SLC7A9: variants seen among roughly 807,000 people sequenced by gnomAD.
SLC7A9 encodes solute carrier family 7 member 9.
In SLC7A9, 38 loss-of-function variants were observed where a neutral mutation model predicts 54.1. The ratio of observed to expected loss-of-function variants is 0.70; its 90% CI spans 0.54 to 0.92. The LOEUF is 0.92. Among genes scored for constraint, SLC7A9 ranks in the 40% least tolerant of loss-of-function variants. The pLI is 0.00. For synonymous variants in SLC7A9, 264 were observed against 258.9 expected, an observed-to-expected ratio of 1.02 and a Z score of -0.19; for missense variants, 537 against 636.1, an observed-to-expected ratio of 0.84 and a Z score of 1.68.
intron 11 of SLC7A9, 94 bp from the exon 12 acceptor site, chr19:32,833,417 G>A (rs1027775785): frequency 3.9e-6 from 4 of 1,025,376 alleles, no homozygotes; most frequent in East Asian, 5.1e-5. Flanking sequence ...TGAACTCCAT[G>A]TACCCCCTCC....
intron 12 of SLC7A9, among the ~76,000 whole-genome samples, chr19:32,831,510 C>T (rs912113682): frequency 2.6e-5 from 4 of 152,208 alleles, no homozygotes; most frequent in Non-Finnish European, 4.4e-5. Context: ...ACGATGGTCT[C>T]GATCTCCTGA....
At chr19:32,867,331 G>A (rs955741140) in intron 2 of SLC7A9, among the ~76,000 whole-genome samples, 4 of 152,044 alleles carry the variant, frequency 2.6e-5, no homozygotes, top group Admixed American at 6.6e-5. Flanking sequence ...GCAAGATACT[G>A]ACTCTACAGA....
At chr19:32,844,095 G>C (rs1968210039) in intron 9 of SLC7A9, 144 bp from the exon 10 acceptor site, 1 of 701,370 alleles carries the variant, frequency 1.4e-6, no homozygotes, top group Admixed American at 2.0e-5. Context: ...CTTCAGATGG[G>C]GGTCTGTCTT....
chr19:32,852,905 C>CTTTTT (rs56119122), intron 9 of SLC7A9, among the ~76,000 whole-genome samples: 1 of 97,592 alleles, frequency 1.0e-5, no homozygotes, highest in Non-Finnish European at 1.9e-5. Context: ...AAGCTATAAA[C>CTTTTT]TTTTTTTTTT....
intron 4 of SLC7A9, among the ~76,000 whole-genome samples, 166 bp downstream of exon 4, chr19:32,863,930 G>A (rs1205248598): frequency 6.6e-6 from 1 of 152,178 alleles, no homozygotes; most frequent in Non-Finnish European, 1.5e-5. Context: ...GCCCCCACGG[G>A]CCTGGGGGTC....
intron 7 of SLC7A9, 75 bp downstream of exon 7, chr19:32,860,531 A>G: frequency 1.2e-6 from 2 of 1,612,536 alleles, no homozygotes; most frequent in South Asian, 2.2e-5. Flanking sequence ...ACCCAGGGAA[A>G]TAGCTCCAGC....
At position 32,833,312 on chromosome 19, in the gene SLC7A9, G is replaced by A; in HGVS notation, c.1236C>T (p.Val412=). 1.9e-6 allele frequency: 3 copies of A among 1,614,156 alleles called. No homozygotes were observed. The highest frequency in any genetic ancestry group is 2.2e-5 in the South Asian group (2 of 91,080). The stretch of plus-strand genomic sequence containing the variant: ...AGATGAGTGTCATCAAGACGGGAAT[G>A]ACTACGGGCACCTGGAGACGAAAAA... ...ELERPIKVPV[V]IPVLMTLISV... Residue 412 remains valine (V), a synonymous_variant, in exon 12 of 13, where the codon GTC becomes GTT. Transcript: ENST00000023064.
chr19:32,832,136 G>A (rs7258013), intron 12 of SLC7A9, among the ~76,000 whole-genome samples: 91,351 of 151,578 alleles, frequency 0.6, 28,629 homozygotes, highest in East Asian at 0.82. Context: ...CAACAACAAG[G>A]AAATTAGCCG....
At chr19:32,866,510 G>T (rs1271585462) in intron 2 of SLC7A9, among the ~76,000 whole-genome samples, 1 of 152,046 alleles carries the variant, frequency 6.6e-6, no homozygotes, top group East Asian at 1.9e-4. Context: ...CTGCAGCCTC[G>T]ATCTCCTGGG....
intron 2 of SLC7A9, among the ~76,000 whole-genome samples, chr19:32,865,809 A>T (rs1016444558): frequency 6.6e-6 from 1 of 152,026 alleles, no homozygotes; most frequent in Non-Finnish European, 1.5e-5. Context: ...CGTTTCTACT[A>T]AAAAATACAA....
intron 9 of SLC7A9, among the ~76,000 whole-genome samples, chr19:32,855,466 A>G (rs143698068): frequency 0.024 from 3,685 of 152,130 alleles, 91 homozygotes; most frequent in African/African-American, 0.055. Context: ...TTGGGAGGCC[A>G]AGGCGGGCGG....
intron 11 of SLC7A9, among the ~76,000 whole-genome samples, chr19:32,836,901 C>T (rs1373840127): frequency 2.0e-5 from 3 of 152,232 alleles, no homozygotes; most frequent in South Asian, 4.2e-4. Context: ...AAGATCACAG[C>T]CCCTGTTTTT....
At chr19:32,856,940 C>T (rs1968645965) in intron 9 of SLC7A9, among the ~76,000 whole-genome samples, 1 of 152,078 alleles carries the variant, frequency 6.6e-6, no homozygotes, top group Non-Finnish European at 1.5e-5. Context: ...ATCACGAGGT[C>T]AGGAGTTCAA....
At chr19:32,852,130 A>G (rs1350903305) in intron 9 of SLC7A9, among the ~76,000 whole-genome samples, 1 of 152,058 alleles carries the variant, frequency 6.6e-6, no homozygotes, top group Non-Finnish European at 1.5e-5. Context: ...TATGTAACAA[A>G]CCTGCACATT....
At chr19:32,855,202 A>T (rs750134353) in intron 9 of SLC7A9, among the ~76,000 whole-genome samples, 1 of 152,250 alleles carries the variant, frequency 6.6e-6, no homozygotes, top group Non-Finnish European at 1.5e-5. Context: ...AGACACAGAA[A>T]GACAAATATC....
At chr19:32,866,251 C>T (rs1039453299) in intron 2 of SLC7A9, among the ~76,000 whole-genome samples, 1 of 152,148 alleles carries the variant, frequency 6.6e-6, no homozygotes, top group Non-Finnish European at 1.5e-5. Flanking sequence ...AGGGCCAGGG[C>T]GCACTTCCAG....
chr19:32,844,583 G>A (rs1239929340), intron 9 of SLC7A9, among the ~76,000 whole-genome samples: 1 of 152,090 alleles, frequency 6.6e-6, no homozygotes, highest in Admixed American at 6.6e-5. Context: ...TGTAATCCCA[G>A]CACTGGGAGA....
intron 9 of SLC7A9, among the ~76,000 whole-genome samples, chr19:32,855,259 G>A (rs1360520456): frequency 6.6e-6 from 1 of 152,172 alleles, no homozygotes; most frequent in East Asian, 1.9e-4. Context: ...GGGAAAATGA[G>A]TCAGGCTGGT....
rs1967748010 is a variant in SLC7A9, at chr19:32,830,560, A to G, written c.*60T>C. On this transcript the variant is annotated 3_prime_UTR_variant, in exon 13 of 13. Transcript: ENST00000023064. ...TTCGTAAGAAAAAAAGGAAGAAATAACCACAAATATTGCTTAAGAAAATAA... is the reference window on the plus strand; with the variant it reads ...TTCGTAAGAAAAAAAGGAAGAAATAGCCACAAATATTGCTTAAGAAAATAA... 1.6e-6 allele frequency: 2 copies of G among 1,289,992 alleles called. No homozygotes were observed. The highest frequency in any genetic ancestry group is 1.5e-5 in the African/African-American group (1 of 68,488). The allele number at this position is 1,289,992 out of a possible 1,614,324, so 79.9% of individuals were successfully genotyped here. A position where few individuals can be genotyped will look rare whatever the true frequency, so the allele number is the denominator to read the frequency against.
Sources: gnomAD v4.1 joint callset for allele counts (sites outside exome capture counted in the v4.1 genomes callset) on GRCh38, gnomAD v4.1.1 for gene constraint, MANE v1.5 for transcripts, NCBI Gene and HGNC (gene_info 2026-07-23, HGNC 2026-07-21) for gene names.